CNTN3: variants seen among roughly 807,000 people sequenced by gnomAD.
CNTN3 encodes the protein contactin 3, also known as contactin-3.
CNTN3 carries 60 observed loss-of-function variants against 119.1 expected under a neutral mutation model. That is an observed-to-expected ratio of 0.50 (90% CI 0.41 to 0.62). The LOEUF is 0.62. CNTN3 is among the 20% of genes least tolerant of loss of function. CNTN3 has a pLI of 0.00. For synonymous variants in CNTN3, 450 were observed against 438.7 expected (o/e 1.03, Z -0.32); for missense variants, 1,101 against 1,242.4 (o/e 0.89, Z 1.71).
intron 1 of CNTN3, among the ~76,000 whole-genome samples, chr3:74,572,825 A>AG (rs1559663072): frequency 6.6e-6 from 1 of 152,222 alleles, no homozygotes; most frequent in African/African-American, 2.4e-5. Context: ...ATGAGAAGCC[A>AG]GGGGAAGCCC....
chr3:74,558,076 C>T (rs767242190), intron 1 of CNTN3, among the ~76,000 whole-genome samples: 5 of 152,154 alleles, frequency 3.3e-5, no homozygotes, highest in Non-Finnish European at 5.9e-5. Flanking sequence ...GCCAGAGTTG[C>T]CCCAAATTGT....
rs559138753 is a variant in CNTN3, at chr3:74,422,268, T to C, written c.454+2577A>G. 2.0e-4 allele frequency among the ~76,000 whole-genome samples: 30 copies of C among 152,296 alleles called. No homozygotes were observed. The East Asian group carries it at 5.4e-3, about 27-fold the overall frequency. ...TTTTAGCATCTAAATCTGTACAATC[T>C]GGAACTGAGGGAAGTATGCTTTTGG... On this transcript the variant is annotated intron_variant, in intron 5 of 22. Transcript: ENST00000263665.
chr3:74,348,202 C>CAA (rs940392493), intron 11 of CNTN3, among the ~76,000 whole-genome samples: 2 of 152,068 alleles, frequency 1.3e-5, no homozygotes, highest in African/African-American at 4.8e-5. Flanking sequence ...CACACACACA[C>CAA]AAAATGGTAA....
At chr3:74,530,170 A>T (rs938473691) in intron 1 of CNTN3, among the ~76,000 whole-genome samples, 1 of 151,992 alleles carries the variant, frequency 6.6e-6, no homozygotes, top group Admixed American at 6.6e-5. Context: ...TAGCACACTG[A>T]CCATAAATAT....
At chr3:74,520,637 G>T (rs1267306900) in intron 2 of CNTN3, among the ~76,000 whole-genome samples, 2 of 150,394 alleles carry the variant, frequency 1.3e-5, no homozygotes, top group Admixed American at 6.6e-5. Flanking sequence ...TTCAGTTTTG[G>T]TCCTTTAGAT....
At chr3:74,373,167 CATT>C (rs1165686624) in intron 5 of CNTN3, among the ~76,000 whole-genome samples, 10 of 152,184 alleles carry the variant, frequency 6.6e-5, no homozygotes, top group African/African-American at 2.4e-4. Context: ...GCATCTCAAA[CATT>C]ATGGTTATTC....
chr3:74,610,467 C>G (rs1187096858), intron 1 of CNTN3, among the ~76,000 whole-genome samples: 1 of 152,134 alleles, frequency 6.6e-6, no homozygotes, highest in African/African-American at 2.4e-5. Flanking sequence ...CTCAACACAT[C>G]TGCAGAAATG....
chr3:74,430,720 G>A (rs1423140281), intron 4 of CNTN3, among the ~76,000 whole-genome samples: 1 of 152,136 alleles, frequency 6.6e-6, no homozygotes, highest in East Asian at 1.9e-4. Flanking sequence ...TCTTGACTGT[G>A]TTGGTCAACA....
At chr3:74,356,489 A>T (rs78908026) in intron 11 of CNTN3, among the ~76,000 whole-genome samples, 3,842 of 152,084 alleles carry the variant, frequency 0.025, 201 homozygotes, top group African/African-American at 0.088. Context: ...TGATTCCCTG[A>T]ACATCCTGTA....
intron 1 of CNTN3, among the ~76,000 whole-genome samples, chr3:74,530,917 A>G (rs1021410796): frequency 6.6e-6 from 1 of 151,896 alleles, no homozygotes; most frequent in African/African-American, 2.4e-5. Context: ...CACTGGAAGA[A>G]AACGCCAGTT....
chr3:74,322,867 T>C (rs751963626), intron 13 of CNTN3, among the ~76,000 whole-genome samples: 1 of 152,126 alleles, frequency 6.6e-6, no homozygotes, highest in Non-Finnish European at 1.5e-5. Context: ...TAAAAGTATA[T>C]TACTAAGTGA....
intron 1 of CNTN3, among the ~76,000 whole-genome samples, chr3:74,568,040 C>G (rs1704253944): frequency 6.6e-6 from 1 of 152,062 alleles, no homozygotes; most frequent in African/African-American, 2.4e-5. Context: ...TTTTTCTAAA[C>G]CAAAATAGAA....
chr3:74,342,108 T>C (rs776634992), intron 11 of CNTN3, among the ~76,000 whole-genome samples: 1 of 152,082 alleles, frequency 6.6e-6, no homozygotes, highest in Non-Finnish European at 1.5e-5. Flanking sequence ...ACAATGCATA[T>C]ATTACAGGAT....
chr3:74,572,095 C>G lies in CNTN3; in HGVS notation c.-81+42296G>C, dbSNP rs575735920. On this transcript the variant is annotated intron_variant, in intron 1 of 22. Transcript: ENST00000263665. ...AAGAAAATACTTTATCATTTTTCAC[C>G]CATCAAATTAGCAAACATTTAAAAA... Among the ~76,000 whole-genome samples, 80 of 152,184 alleles carry G rather than the reference C, an allele frequency of 5.3e-4. 1 individual carries two copies. The highest frequency in any genetic ancestry group is 1.9e-3 in the African/African-American group (77 of 41,520).
intron 4 of CNTN3, among the ~76,000 whole-genome samples, chr3:74,446,289 T>C (rs554774859): frequency 1.9e-3 from 292 of 152,302 alleles, no homozygotes; most frequent in Middle Eastern, 3.4e-3. Flanking sequence ...CACTGGACAC[T>C]GTTCTAAGTG....
intron 10 of CNTN3, among the ~76,000 whole-genome samples, chr3:74,363,129 G>A (rs913870221): frequency 6.6e-6 from 1 of 152,064 alleles, no homozygotes; most frequent in Non-Finnish European, 1.5e-5. Flanking sequence ...AGTCTTTCAA[G>A]TTAAGACTTA....
Position 74,264,430 on chromosome 3 carries a change from G to C in CNTN3, c.3058C>G (p.Leu1020Val). ...HPMSSYMPIV[L>V]FLIVYVLW ...CACAGGACATATACAATTAAGAACA[G>C]TACTATAGGCATATAACTTGACATA... Residue 1020 changes from leucine (L) to valine (V), a missense_variant, in exon 23 of 23, where the codon CTG becomes GTG. Transcript: ENST00000263665. 1.2e-6 allele frequency: 2 copies of C among 1,608,600 alleles called. No individual in the cohort carries two copies. Among genetic ancestry groups the C allele is most frequent in the Non-Finnish European group, 1.7e-6 (2 of 1,175,694 alleles).
At chr3:74,404,798 A>C (rs1271469540) in intron 5 of CNTN3, among the ~76,000 whole-genome samples, 3 of 152,030 alleles carry the variant, frequency 2.0e-5, no homozygotes, top group African/African-American at 7.2e-5. Context: ...TTATAAAAAA[A>C]AATAGTCTAT....
At chr3:74,392,146 A>T (rs557607325) in intron 5 of CNTN3, among the ~76,000 whole-genome samples, 1 of 152,350 alleles carries the variant, frequency 6.6e-6, no homozygotes, top group South Asian at 2.1e-4. Context: ...GAAAAAAACA[A>T]CAGTGAGAGA....
Sources: allele counts gnomAD v4.1 joint callset (sites outside exome capture counted in the v4.1 genomes callset), GRCh38; gene constraint gnomAD v4.1.1; transcripts MANE v1.5; gene names NCBI Gene and HGNC (gene_info 2026-07-23, HGNC 2026-07-21).